The following ZNF385B variants were observed in gnomAD, a reference collection of about 807,000 sequenced individuals.
ZNF385B encodes the protein zinc finger protein 533.
ZNF385B carries 23 observed loss-of-function variants against 39.2 expected under a neutral mutation model. The observed-to-expected ratio is 0.59, with a 90% CI of 0.42 to 0.83. ZNF385B has a LOEUF of 0.83. Ranked by LOEUF, ZNF385B falls within the 40% of genes least tolerant of loss-of-function variation. The probability of loss-of-function intolerance (pLI) is 0.00; values close to 1 mark genes in which losing one functional copy is unlikely to be tolerated. For synonymous variants in ZNF385B, 205 were observed against 222.6 expected (o/e 0.92, Z 0.70); for missense variants, 552 against 598.9 (o/e 0.92, Z 0.82).
chr2:179,578,492 C>T (rs574112162), intron 3 of ZNF385B, among the ~76,000 whole-genome samples: 5 of 152,220 alleles, frequency 3.3e-5, no homozygotes, highest in African/African-American at 1.2e-4. Context: ...TATGTGTATA[C>T]AGTCACTCTG....
intron 3 of ZNF385B, among the ~76,000 whole-genome samples, chr2:179,549,842 A>G (rs2088482625): frequency 6.7e-6 from 1 of 149,254 alleles, no homozygotes; most frequent in Non-Finnish European, 1.5e-5. Flanking sequence ...AGTAGCATTC[A>G]GCAAAAATAG....
At chr2:179,778,692 T>C (rs1197100216) in intron 1 of ZNF385B, among the ~76,000 whole-genome samples, 3 of 152,214 alleles carry the variant, frequency 2.0e-5, no homozygotes, top group South Asian at 2.1e-4. Flanking sequence ...TTCCATGTAG[T>C]CCATCTAGAC....
At chr2:179,829,838 C>A (rs1447560247) in intron 1 of ZNF385B, among the ~76,000 whole-genome samples, 11 of 152,010 alleles carry the variant, frequency 7.2e-5, no homozygotes, top group Non-Finnish European at 1.5e-4. Flanking sequence ...AGATGCAACA[C>A]CAAAAGCACA....
chr2:179,725,694 CA>C (rs1700961220), intron 3 of ZNF385B, among the ~76,000 whole-genome samples: 1 of 151,046 alleles, frequency 6.6e-6, no homozygotes, highest in Non-Finnish European at 1.5e-5. Context: ...AGAAATTTAA[CA>C]AAAAATTACT....
At chr2:179,741,723 C>T (rs1702100841) in intron 3 of ZNF385B, among the ~76,000 whole-genome samples, 1 of 152,014 alleles carries the variant, frequency 6.6e-6, no homozygotes, top group African/African-American at 2.4e-5. Flanking sequence ...ATATGAGGCA[C>T]ACAGTAGGTA....
At chr2:179,759,064 C>A (rs1232854233) in intron 3 of ZNF385B, among the ~76,000 whole-genome samples, 1 of 152,200 alleles carries the variant, frequency 6.6e-6, no homozygotes, top group Non-Finnish European at 1.5e-5. Flanking sequence ...GCATTCTCTT[C>A]ATTCCCTTTG....
intron 3 of ZNF385B, among the ~76,000 whole-genome samples, chr2:179,674,410 G>A (rs1231522966): frequency 6.6e-6 from 1 of 152,100 alleles, no homozygotes; most frequent in Non-Finnish European, 1.5e-5. Context: ...AAGTTAGGGG[G>A]CAGTGGGTGG....
intron 6 of ZNF385B, among the ~76,000 whole-genome samples, chr2:179,451,246 ATAATT>A (rs1342018507): frequency 1.5e-5 from 2 of 131,362 alleles, no homozygotes; most frequent in African/African-American, 6.4e-5. Flanking sequence ...AACTTAAAGT[ATAATT>A]AAAAAAAAAA....
intron 3 of ZNF385B, chr2:179,745,780 T>G (rs1459962636): frequency 6.6e-7 from 1 of 1,526,128 alleles, no homozygotes; most frequent in East Asian, 2.5e-5. Context: ...CCAAGTTGGA[T>G]AAACAAAACT....
At chr2:179,768,393 C>G (rs553240012) in intron 3 of ZNF385B, among the ~76,000 whole-genome samples, 1 of 152,112 alleles carries the variant, frequency 6.6e-6, no homozygotes, top group Admixed American at 6.6e-5. Flanking sequence ...TACTTTCTTT[C>G]ACAGCATGTT....
chr2:179,509,826 T>C lies in ZNF385B; in HGVS notation c.552+8702A>G, dbSNP rs796103076. 6.6e-5 allele frequency among the ~76,000 whole-genome samples: 10 copies of C among 152,362 alleles called. 1 individual carries two copies. Among genetic ancestry groups the C allele is most frequent in the African/African-American group, 2.4e-4 (10 of 41,592 alleles). The stretch of plus-strand genomic sequence containing the variant: ...GAACAGCAGATGTAAACTTTGCAAC[T>C]AGCTTTTTGGTTCCTAACCCAGCAA... On this transcript the variant is annotated intron_variant, in intron 5 of 9. Transcript: ENST00000410066.
chr2:179,622,628 C>A (rs1056807719), intron 3 of ZNF385B, among the ~76,000 whole-genome samples: 47 of 152,238 alleles, frequency 3.1e-4, no homozygotes, highest in African/African-American at 1.0e-3. Flanking sequence ...ATTTCCAGAA[C>A]CTTGTGTTAT....
chr2:179,645,612 T>C (rs1172725224), intron 3 of ZNF385B, among the ~76,000 whole-genome samples: 1 of 152,192 alleles, frequency 6.6e-6, no homozygotes, highest in Non-Finnish European at 1.5e-5. Context: ...TCATGAAGAC[T>C]TACACAGTGC....
At chr2:179,473,859 A>T (rs2053101983) in intron 6 of ZNF385B, among the ~76,000 whole-genome samples, 1 of 152,290 alleles carries the variant, frequency 6.6e-6, no homozygotes. Flanking sequence ...ATGTGAACTC[A>T]TTCTTTTTTA....
chr2:179,562,906 T>C (rs562664975), intron 3 of ZNF385B, among the ~76,000 whole-genome samples: 4 of 152,328 alleles, frequency 2.6e-5, no homozygotes, highest in African/African-American at 9.6e-5. Context: ...CTTTTAAAAT[T>C]GCTTTTTATT....
intron 3 of ZNF385B, chr2:179,660,025 A>G (rs1694280381): frequency 6.6e-6 from 1 of 152,630 alleles, no homozygotes; most frequent in Non-Finnish European, 1.5e-5. Flanking sequence ...CCAAATATGT[A>G]TATCTCCTAT....
intron 3 of ZNF385B, among the ~76,000 whole-genome samples, chr2:179,766,947 T>C (rs1004145569): frequency 6.6e-6 from 1 of 152,118 alleles, no homozygotes; most frequent in Non-Finnish European, 1.5e-5. Flanking sequence ...CCCCCCGCAG[T>C]CCACTCCACC....
intron 3 of ZNF385B, among the ~76,000 whole-genome samples, chr2:179,625,879 T>C (rs897690358): frequency 6.6e-6 from 1 of 152,084 alleles, no homozygotes; most frequent in African/African-American, 2.4e-5. Flanking sequence ...TTCACAAACA[T>C]GTCTCCTAAA....
chr2:179,670,355 G>C (rs930104108), intron 3 of ZNF385B, among the ~76,000 whole-genome samples: 1 of 150,796 alleles, frequency 6.6e-6, no homozygotes, highest in African/African-American at 2.4e-5. Flanking sequence ...ACAGCTAACA[G>C]CATGACATTA....
Sources: gnomAD v4.1 joint callset for allele counts (sites outside exome capture counted in the v4.1 genomes callset) on GRCh38, gnomAD v4.1.1 for gene constraint, MANE v1.5 for transcripts, NCBI Gene and HGNC (gene_info 2026-07-23, HGNC 2026-07-21) for gene names.